Variants in SASH1 observed in about 807,000 individuals in gnomAD.
The protein encoded by SASH1 is SAM and SH3 domain containing 1.
Under a neutral mutation model 125.2 loss-of-function variants are expected in SASH1, and 44 were observed. That is an observed-to-expected ratio of 0.35 (90% CI 0.28 to 0.45). The LOEUF is 0.45. Ranked by LOEUF, SASH1 falls within the 20% of genes least tolerant of loss-of-function variation. SASH1 has a pLI of 1.00. For synonymous variants in SASH1, 639 were observed against 649.1 expected (o/e 0.98, Z 0.24); for missense variants, 1,426 against 1,614.5 (o/e 0.88, Z 2.00).
At chr6:148,389,749 TTGCTGAAGG>T in intron 1 of SASH1, among the ~76,000 whole-genome samples, 1 of 152,166 alleles carries the variant, frequency 6.6e-6, no homozygotes, top group African/African-American at 2.4e-5. Flanking sequence ...CACAGTGCCT[TTGCTGAAGG>T]TGCTTCCCTG....
At chr6:148,421,615 T>C (rs1209448399) in intron 2 of SASH1, among the ~76,000 whole-genome samples, 1 of 152,236 alleles carries the variant, frequency 6.6e-6, no homozygotes, top group Admixed American at 6.5e-5. Flanking sequence ...GGGCCAATTA[T>C]TAGATATGAG....
Position 148,533,562 on chromosome 6 carries a change from G to A in SASH1, c.1735-209G>A, listed in dbSNP as rs1460383599. Among the ~76,000 whole-genome samples the A allele has an allele frequency of 5.9e-5, 9 of 152,102 alleles. No homozygotes were observed. The highest frequency in any genetic ancestry group is 1.2e-4 in the Non-Finnish European group (8 of 68,022). The stretch of plus-strand genomic sequence containing the variant: ...GGGGCTGTGACCGGGGGCCTGCGTG[G>A]AATTCCGTACAGTCAGAGACACCTG... On this transcript the variant is annotated intron_variant, in intron 14 of 19. Coordinates refer to ENST00000367467, the MANE Select transcript of SASH1 (RefSeq NM_015278.5). This position sits in a 1 kb window ranked among gnomAD's most constrained non-coding sequence, Gnocchi z 6.2.
intron 18 of SASH1, among the ~76,000 whole-genome samples, chr6:148,545,067 A>T (rs909947798): frequency 1.3e-5 from 2 of 152,246 alleles, no homozygotes; most frequent in African/African-American, 4.8e-5. Flanking sequence ...AGGGATTACT[A>T]GGAGCAAATA....
At chr6:148,303,679 C>T (rs763235725) in intron 1 of SASH1, among the ~76,000 whole-genome samples, 3 of 151,354 alleles carry the variant, frequency 2.0e-5, no homozygotes, top group Non-Finnish European at 4.4e-5. Context: ...CCCATAATCC[C>T]AACTACTCAG....
intron 1 of SASH1, among the ~76,000 whole-genome samples, chr6:148,322,337 G>A (rs566559459): frequency 9.2e-5 from 14 of 152,204 alleles, no homozygotes; most frequent in African/African-American, 3.4e-4. Context: ...GGGCAATAGA[G>A]CAAGACTCAG....
At chr6:148,454,487 G>A (rs1366083986) in intron 4 of SASH1, among the ~76,000 whole-genome samples, 2 of 152,218 alleles carry the variant, frequency 1.3e-5, no homozygotes, top group Non-Finnish European at 2.9e-5. Context: ...GGTTCCCATA[G>A]GAGTGAGAAC....
rs780172053 is a variant in SASH1, at chr6:148,532,870, C to T, written c.1638C>T (p.Asp546=). ...RESVKSEDGD[D]EEPPYRGPFC... is the part of the protein sequence containing the mutation. Reference sequence around the variant, plus strand: ...GCGTCAAGTCGGAAGATGGGGATGACGAAGAGCCGCCTTACCGAGGCCCGT... The same window carrying T: ...GCGTCAAGTCGGAAGATGGGGATGATGAAGAGCCGCCTTACCGAGGCCCGT... The change falls in exon 14 of 20, where the codon GAC becomes GAT. Residue 546 remains aspartate, a synonymous_variant. Transcript: ENST00000367467. The surrounding 1 kb of genome is among the most constrained non-coding windows in gnomAD (Gnocchi z 4.7). 4.0e-5 allele frequency: 65 copies of T among 1,614,090 alleles called. No homozygotes were observed. The highest frequency in any genetic ancestry group is 1.4e-4 in the South Asian group (13 of 91,092).
At chr6:148,231,115 A>G in the SASH1 span, among the ~76,000 whole-genome samples, 3 of 152,200 alleles carry the variant, frequency 2.0e-5, no homozygotes, top group Non-Finnish European at 2.9e-5. Flanking sequence ...TTTAGCTCAT[A>G]TATTTGTGTC....
intron 4 of SASH1, among the ~76,000 whole-genome samples, chr6:148,447,676 CTCCTCT>C (rs1776860304): frequency 2.9e-5 from 2 of 67,844 alleles, no homozygotes; most frequent in Admixed American, 1.6e-4. Flanking sequence ...CTTGTTCTTC[CTCCTCT>C]TCTTCTTCCT....
chr6:148,443,501 TGTATGTATG>T (rs1776644936), intron 4 of SASH1, among the ~76,000 whole-genome samples: 3 of 147,312 alleles, frequency 2.0e-5, no homozygotes, highest in South Asian at 2.1e-4. Flanking sequence ...TTTATATATA[TGTATGTATG>T]TATATACATA....
chr6:148,477,076 A>C (rs1274026336), intron 7 of SASH1, among the ~76,000 whole-genome samples: 1 of 152,242 alleles, frequency 6.6e-6, no homozygotes, highest in African/African-American at 2.4e-5. Flanking sequence ...AAAATGGATT[A>C]AAAACAAATC....
chr6:148,447,933 C>T (rs1776878458), intron 4 of SASH1, among the ~76,000 whole-genome samples: 1 of 152,130 alleles, frequency 6.6e-6, no homozygotes, highest in Non-Finnish European at 1.5e-5. Context: ...CCCACTCTCA[C>T]CATTACCCCC....
the SASH1 span, among the ~76,000 whole-genome samples, chr6:148,222,220 A>C: frequency 6.6e-6 from 1 of 152,250 alleles, no homozygotes; most frequent in Non-Finnish European, 1.5e-5. Context: ...TTGTTTGGGC[A>C]GATAAATCAA....
At position 148,544,270 on chromosome 6, in the gene SASH1, G is replaced by T; in HGVS notation, c.2800G>T (p.Ala934Ser). Residue 934 changes from alanine to serine, a missense_variant, in exon 18 of 20, where the codon GCT becomes TCT. Ala to Ser is a moderately conservative substitution (Grantham distance 99). Transcript: ENST00000367467. This position sits in a 1 kb window ranked among gnomAD's most constrained non-coding sequence, Gnocchi z 6.4. ...TCAGTGTTTGCCCAGAAACTATGAT[G>T]CTCAGCCTCCTGGAGCTAAACACGG... ...PPQCLPRNYD[A>S]QPPGAKHGLA... 3 of 1,614,144 alleles carry T rather than the reference G, an allele frequency of 1.9e-6. No individual in the cohort carries two copies. The highest frequency in any genetic ancestry group is 1.7e-6 in the Non-Finnish European group (2 of 1,180,036).
At chr6:148,440,523 C>A in intron 4 of SASH1, 116 bp downstream of exon 4, 3 of 863,428 alleles carry the variant, frequency 3.5e-6, no homozygotes, top group South Asian at 1.5e-5. Flanking sequence ...TATGCGATGT[C>A]ATTTTCCTTA....
chr6:148,272,706 A>G (rs1779092296), intron 1 of SASH1, among the ~76,000 whole-genome samples: 1 of 152,242 alleles, frequency 6.6e-6, no homozygotes, highest in Admixed American at 6.5e-5. Context: ...GTTAAAGACC[A>G]GAGCTTTTCC....
At chr6:148,219,483 T>C in the SASH1 span, among the ~76,000 whole-genome samples, 1 of 152,298 alleles carries the variant, frequency 6.6e-6, no homozygotes, top group South Asian at 2.1e-4. Flanking sequence ...CTGCATGCAT[T>C]ATCTCCTCCA....
intron 4 of SASH1, among the ~76,000 whole-genome samples, chr6:148,451,516 T>C (rs1043864784): frequency 6.6e-6 from 1 of 152,116 alleles, no homozygotes; most frequent in Non-Finnish European, 1.5e-5. Context: ...TAGAAACAAC[T>C]GCTGAGCACG....
chr6:148,329,632 G>A (rs1335755252), intron 1 of SASH1, among the ~76,000 whole-genome samples: 1 of 152,160 alleles, frequency 6.6e-6, no homozygotes, highest in East Asian at 1.9e-4. Context: ...GTGTGTGTGA[G>A]TGTGTATGTG....
Sources: gnomAD v4.1 joint callset for allele counts (sites outside exome capture counted in the v4.1 genomes callset) on GRCh38, gnomAD v4.1.1 for gene constraint, Gnocchi (gnomAD v3.1) non-coding constraint, MANE v1.5 for transcripts, NCBI Gene and HGNC (gene_info 2026-07-23, HGNC 2026-07-21) for gene names.